Variants in LDB2 observed in about 807,000 individuals in gnomAD.
LDB2 encodes the protein LIM domain-binding protein 2.
In LDB2, 12 loss-of-function variants were observed where a neutral mutation model predicts 44.3. That is an observed-to-expected ratio of 0.27 (90% CI 0.17 to 0.44). The LOEUF is 0.44. Ranked by LOEUF, LDB2 falls within the 20% of genes least tolerant of loss-of-function variation. The pLI, the probability that LDB2 is intolerant of heterozygous loss-of-function variation, is 1.00. For synonymous variants in LDB2, 164 were observed against 174.8 expected (o/e 0.94, Z 0.49); for missense variants, 344 against 473.5 (o/e 0.73, Z 2.54).
At chr4:16,743,269 G>A (rs765682406) in intron 2 of LDB2, among the ~76,000 whole-genome samples, 1 of 152,074 alleles carries the variant, frequency 6.6e-6, no homozygotes, top group Non-Finnish European at 1.5e-5. Flanking sequence ...TAGCCTGGGT[G>A]ATAGAGTGAG....
At chr4:16,514,960 C>T (rs1391242776) in intron 5 of LDB2, among the ~76,000 whole-genome samples, 1 of 152,146 alleles carries the variant, frequency 6.6e-6, no homozygotes, top group East Asian at 1.9e-4. Context: ...AAGATAAATC[C>T]TTCTACCAAA....
rs140580345 is a variant in LDB2 at position 16,835,215 on chromosome 4, C to G, written c.132+63139G>C. Among the ~76,000 whole-genome samples, 3 of 152,082 alleles carry G rather than the reference C, an allele frequency of 2.0e-5. No homozygotes were observed. In the East Asian group the frequency reaches 5.8e-4, roughly 29 times the overall value. On this transcript the variant is annotated intron_variant, in intron 1 of 7. Transcript: ENST00000304523. Reference sequence around the variant, plus strand: ...TTGAGTTTTGAAGTATGTGTTTGCCCGTATAACCACTAATCTTACAGAAAT... The same window carrying G: ...TTGAGTTTTGAAGTATGTGTTTGCCGGTATAACCACTAATCTTACAGAAAT...
intron 2 of LDB2, among the ~76,000 whole-genome samples, chr4:16,652,884 A>G (rs188341973): frequency 5.9e-5 from 9 of 152,268 alleles, no homozygotes; most frequent in Admixed American, 4.6e-4. Context: ...AGGAGGAGCT[A>G]TTAGCAGTCA....
intron 2 of LDB2, among the ~76,000 whole-genome samples, chr4:16,635,903 C>T (rs997289300): frequency 2.6e-5 from 4 of 152,194 alleles, no homozygotes; most frequent in East Asian, 3.9e-4. Flanking sequence ...AGCTTTGCCT[C>T]GCTGGATTTG....
At chr4:16,673,102 G>A (rs1745339291) in intron 2 of LDB2, among the ~76,000 whole-genome samples, 1 of 151,928 alleles carries the variant, frequency 6.6e-6, no homozygotes, top group African/African-American at 2.4e-5. Context: ...TGTGACCAAT[G>A]GGATTGTAAT....
intron 2 of LDB2, among the ~76,000 whole-genome samples, chr4:16,720,208 G>T (rs1244913717): frequency 6.6e-6 from 1 of 150,664 alleles, no homozygotes; most frequent in Non-Finnish European, 1.5e-5. Context: ...ATGTGATTCA[G>T]TTCCTAATCA....
intron 2 of LDB2, among the ~76,000 whole-genome samples, chr4:16,714,891 G>A (rs1006534509): frequency 4.6e-5 from 7 of 151,892 alleles, no homozygotes; most frequent in African/African-American, 7.3e-5. Flanking sequence ...TGGGGACATC[G>A]GTCATTGGAT....
chr4:16,573,628 G>A (rs1221232987), intron 5 of LDB2, among the ~76,000 whole-genome samples: 1 of 152,158 alleles, frequency 6.6e-6, no homozygotes, highest in Non-Finnish European at 1.5e-5. Context: ...TAAGTCTTTT[G>A]AGGATTTATA....
chr4:16,601,797 T>C (rs1012332929), intron 2 of LDB2, among the ~76,000 whole-genome samples: 16 of 152,290 alleles, frequency 1.1e-4, no homozygotes, highest in African/African-American at 3.8e-4. Flanking sequence ...AACTTATCTG[T>C]ATTCAGAAAT....
At position 16,533,708 on chromosome 4, in the gene LDB2, A is replaced by G. The variant is rs1422087356; in HGVS notation, c.616-21604T>C. On this transcript the variant is annotated intron_variant, in intron 5 of 7. Transcript: ENST00000304523. The surrounding 1 kb of genome is among the most constrained non-coding windows in gnomAD (Gnocchi z 4.1). ...ACCCTGGCTGAACAAATGGTTGCTTATGTAAAAGACCTGCCCTCCAGTAAA... is the reference window on the plus strand; with the variant it reads ...ACCCTGGCTGAACAAATGGTTGCTTGTGTAAAAGACCTGCCCTCCAGTAAA... 6.6e-6 allele frequency among the ~76,000 whole-genome samples: 1 copy of G among 152,234 alleles called. No homozygotes were observed. Among genetic ancestry groups the G allele is most frequent in the Non-Finnish European group, 1.5e-5 (1 of 68,024 alleles).
intron 2 of LDB2, among the ~76,000 whole-genome samples, chr4:16,680,430 C>T (rs1747529864): frequency 1.3e-5 from 2 of 152,196 alleles, no homozygotes; most frequent in Non-Finnish European, 2.9e-5. Flanking sequence ...TAAGTGCTTG[C>T]CTTCTCAAAA....
intron 2 of LDB2, among the ~76,000 whole-genome samples, chr4:16,616,268 A>C (rs962784713): frequency 1.3e-5 from 2 of 152,210 alleles, no homozygotes; most frequent in African/African-American, 2.4e-5. Flanking sequence ...GCACATATCA[A>C]GATAATGTGT....
At chr4:16,871,982 T>C (rs925653676) in intron 1 of LDB2, among the ~76,000 whole-genome samples, 2 of 152,174 alleles carry the variant, frequency 1.3e-5, no homozygotes, top group Admixed American at 1.3e-4. Flanking sequence ...CTATAAGAGT[T>C]CAGCAGAAAT....
chr4:16,828,611 G>A (rs1033143074), intron 1 of LDB2, among the ~76,000 whole-genome samples: 1 of 152,092 alleles, frequency 6.6e-6, no homozygotes, highest in African/African-American at 2.4e-5. Context: ...CTCAGAGTTT[G>A]GACACCTATC....
At chr4:16,784,322 AG>A (rs1773926558) in intron 1 of LDB2, among the ~76,000 whole-genome samples, 1 of 152,172 alleles carries the variant, frequency 6.6e-6, no homozygotes, top group African/African-American at 2.4e-5. Flanking sequence ...CTGCTTCTGT[AG>A]TAGGAACCTC....
chr4:16,769,121 A>G (rs1268838507), intron 1 of LDB2, among the ~76,000 whole-genome samples: 1 of 152,188 alleles, frequency 6.6e-6, no homozygotes, highest in African/African-American at 2.4e-5. Flanking sequence ...AGGCAGCCCA[A>G]AGCAAGGATT....
At chr4:16,822,296 T>C (rs1309104955) in intron 1 of LDB2, among the ~76,000 whole-genome samples, 1 of 152,160 alleles carries the variant, frequency 6.6e-6, no homozygotes, top group East Asian at 1.9e-4. Context: ...AAAGCAGAGA[T>C]AGCATGACTA....
chr4:16,878,400 C>G (rs1050202978), intron 1 of LDB2, among the ~76,000 whole-genome samples: 1 of 152,214 alleles, frequency 6.6e-6, no homozygotes, highest in African/African-American at 2.4e-5. Flanking sequence ...ATACTCAACA[C>G]CTTCCACGGC....
At chr4:16,701,612 T>C (rs914079352) in intron 2 of LDB2, among the ~76,000 whole-genome samples, 1 of 152,194 alleles carries the variant, frequency 6.6e-6, no homozygotes, top group Non-Finnish European at 1.5e-5. Flanking sequence ...AGGAGTTAAG[T>C]AACCTTTGGA....
Sources: gnomAD v4.1 joint callset for allele counts (sites outside exome capture counted in the v4.1 genomes callset) on GRCh38, gnomAD v4.1.1 for gene constraint, Gnocchi (gnomAD v3.1) non-coding constraint, MANE v1.5 for transcripts, NCBI Gene and HGNC (gene_info 2026-07-23, HGNC 2026-07-21) for gene names.